PCDHGA1: variants seen among roughly 807,000 people sequenced by gnomAD.
PCDHGA1 encodes the protein protocadherin gamma-A1.
Under a neutral mutation model 58.0 loss-of-function variants are expected in PCDHGA1, and 32 were observed. The ratio of observed to expected loss-of-function variants is 0.55; its 90% CI spans 0.42 to 0.74. The LOEUF is 0.74. Among genes scored for constraint, PCDHGA1 ranks in the 30% least tolerant of loss-of-function variants. The pLI, the probability that PCDHGA1 is intolerant of heterozygous loss-of-function variation, is 0.00. For synonymous variants in PCDHGA1, 498 were observed against 501.1 expected (o/e 0.99, Z 0.08); for missense variants, 1,205 against 1,182.3 (o/e 1.02, Z -0.28).
intron 2 of PCDHGA1, among the ~76,000 whole-genome samples, chr5:141,502,124 A>G (rs4912762): frequency 0.55 from 83,213 of 152,012 alleles, 23,486 homozygotes; most frequent in African/African-American, 0.67. Flanking sequence ...CCAGGCCCAC[A>G]GAGCTCAGTC....
chr5:141,372,396 T>C (rs1039579304), intron 1 of PCDHGA1: 1 of 1,614,052 alleles, frequency 6.2e-7, no homozygotes, highest in Non-Finnish European at 8.5e-7. Context: ...CGCAGATAGC[T>C]TGCAAGAGAT....
chr5:141,364,548 A>T (rs1763399502), intron 1 of PCDHGA1: 2 of 1,613,988 alleles, frequency 1.2e-6, no homozygotes. Flanking sequence ...GGTAGGACGC[A>T]GCTTTTTGCC....
chr5:141,491,138 C>T lies in PCDHGA1; in HGVS notation c.2422-3669C>T. The T allele has an allele frequency of 1.2e-6, 2 of 1,614,106 alleles. No individual in the cohort carries two copies. The highest frequency in any genetic ancestry group is 1.7e-6 in the Non-Finnish European group (2 of 1,179,962). On this transcript the variant is annotated intron_variant, in intron 1 of 3. Transcript: ENST00000517417. The surrounding 1 kb of genome is among the most constrained non-coding windows in gnomAD (Gnocchi z 6.9). ...ACTGGTGAGGTGCGCACAGCCCGGG[C>T]CTTACTGGAGGATGACTCTGACACC...
intron 1 of PCDHGA1, chr5:141,395,804 A>C (rs150880061): frequency 6.6e-6 from 1 of 152,224 alleles, no homozygotes; most frequent in Non-Finnish European, 1.5e-5. Context: ...ACCATCCTTC[A>C]AAACATGAAC....
chr5:141,419,505 G>A lies in PCDHGA1; in HGVS notation c.2422-75302G>A, dbSNP rs115850576. The A allele has an allele frequency of 8.4e-4, 1,351 of 1,612,324 alleles. 13 individuals are homozygous for A. In the African/African-American group the frequency reaches 0.015, roughly 18 times the overall value. The stretch of plus-strand genomic sequence containing the variant: ...GCGCTCAGCGCCAATGTGAGCCTGC[G>A]CGTGTTGGTGGGCGACCGTAACGAC... On this transcript the variant is annotated intron_variant, in intron 1 of 3. Transcript: ENST00000517417.
intron 1 of PCDHGA1, chr5:141,392,059 C>G (rs2092458843): frequency 6.6e-6 from 1 of 152,098 alleles, no homozygotes; most frequent in Non-Finnish European, 1.5e-5. Flanking sequence ...AAAATATTAT[C>G]GACATGTAAT....
chr5:141,440,931 C>G (rs2098213287), intron 1 of PCDHGA1: 1 of 152,186 alleles, frequency 6.6e-6, no homozygotes, highest in Non-Finnish European at 1.5e-5. Context: ...GTGAGGGCCA[C>G]CAACCAGGAC....
In PCDHGA1 at chr5:141,491,081, C is replaced by T; in HGVS notation, c.2422-3726C>T. The T allele has an allele frequency of 6.2e-7, 1 of 1,614,176 alleles. No individual in the cohort carries two copies. The highest frequency in any genetic ancestry group is 8.5e-7 in the Non-Finnish European group (1 of 1,180,010). On this transcript the variant is annotated intron_variant, in intron 1 of 3. Coordinates refer to ENST00000517417, the MANE Select transcript of PCDHGA1 (RefSeq NM_018912.3). The surrounding 1 kb of genome is among the most constrained non-coding windows in gnomAD (Gnocchi z 6.9). Reference sequence around the variant, plus strand: ...TCCTACTCACTGTTGCCACAGTCCACAGCCCCAGGACTGTTCCTCGTGTCT... The same window carrying T: ...TCCTACTCACTGTTGCCACAGTCCATAGCCCCAGGACTGTTCCTCGTGTCT...
intron 1 of PCDHGA1, chr5:141,341,351 C>A: frequency 6.2e-7 from 1 of 1,614,122 alleles, no homozygotes; most frequent in East Asian, 2.2e-5. Context: ...TTTATCAGCG[C>A]CTCAATCTCT....
intron 2 of PCDHGA1, among the ~76,000 whole-genome samples, chr5:141,500,928 G>A (rs2099803943): frequency 6.6e-6 from 1 of 151,476 alleles, no homozygotes; most frequent in African/African-American, 2.4e-5. Context: ...GGGTGCAGTG[G>A]CGCCATCTCG....
intron 1 of PCDHGA1, among the ~76,000 whole-genome samples, chr5:141,457,926 GGGCTTTTATT>G (rs1398565105): frequency 6.6e-6 from 1 of 151,120 alleles, no homozygotes; most frequent in Non-Finnish European, 1.5e-5. Context: ...TCTCCCCAAG[GGGCTTTTATT>G]GGCTCTGCAT....
chr5:141,405,621 C>T lies in PCDHGA1; in HGVS notation c.2421+72516C>T, dbSNP rs2094693815. 9.2e-6 allele frequency: 5 copies of T among 543,194 alleles called. No individual in the cohort carries two copies. In the South Asian group the frequency reaches 1.0e-4, roughly 11 times the overall value. 33.6% of individuals were successfully genotyped at this position (543,194 alleles called of 1,614,324 possible). ...AGTAGAATAACTGGGACTACAGGCA[C>T]GTGCCACCACGCCCGGCTAATTTTT... On this transcript the variant is annotated intron_variant, in intron 1 of 3. Coordinates refer to ENST00000517417, the MANE Select transcript of PCDHGA1 (RefSeq NM_018912.3).
At position 141,400,743 on chromosome 5, in the gene PCDHGA1, C is replaced by T. The variant is rs1404866842; in HGVS notation, c.2421+67638C>T. 6.5e-6 allele frequency: 4 copies of T among 611,214 alleles called. No individual in the cohort carries two copies. In the East Asian group the frequency reaches 1.1e-4, roughly 17 times the overall value. 37.9% of individuals were successfully genotyped at this position (611,214 alleles called of 1,614,324 possible). A position where few individuals can be genotyped will look rare whatever the true frequency, so the allele number is the denominator to read the frequency against. On this transcript the variant is annotated intron_variant, in intron 1 of 3. Coordinates refer to ENST00000517417, the MANE Select transcript of PCDHGA1 (RefSeq NM_018912.3). ...ATTTACAAAGTAGTGAGAGTTTGCTCTTAGCTTCCTCTCTAGCAAAAACAT... is the reference window on the plus strand; with the variant it reads ...ATTTACAAAGTAGTGAGAGTTTGCTTTTAGCTTCCTCTCTAGCAAAAACAT...
At chr5:141,394,861 A>G in intron 1 of PCDHGA1, 1 of 1,613,390 alleles carries the variant, frequency 6.2e-7, no homozygotes. Flanking sequence ...CCTTCGGTCG[A>G]CCCGAACGAT....
intron 1 of PCDHGA1, chr5:141,357,489 G>A: frequency 6.2e-7 from 1 of 1,614,212 alleles, no homozygotes. Flanking sequence ...CCGCGGACTC[G>A]CGGAAGAGTC....
intron 1 of PCDHGA1, chr5:141,403,381 C>T (rs1022563452): frequency 4.3e-6 from 7 of 1,614,038 alleles, no homozygotes; most frequent in Non-Finnish European, 8.5e-7. Context: ...TAAAAATTAA[C>T]GAAATCGCGG....
Position 141,490,226 on chromosome 5 carries a change from C to T in PCDHGA1, c.2422-4581C>T. On this transcript the variant is annotated intron_variant, in intron 1 of 3. Coordinates refer to ENST00000517417, the MANE Select transcript of PCDHGA1 (RefSeq NM_018912.3). This position sits in a 1 kb window ranked among gnomAD's most constrained non-coding sequence, Gnocchi z 5.4. ...AGAGCCCGTGACCAGGGACAGCCTG[C>T]CATGGAGGGCCACTGTGTGATTCAA... The T allele has an allele frequency of 6.2e-7, 1 of 1,614,168 alleles. No homozygotes were observed. Among genetic ancestry groups the T allele is most frequent in the Non-Finnish European group, 8.5e-7 (1 of 1,180,020 alleles).
chr5:141,346,579 T>C, intron 1 of PCDHGA1: 1 of 1,393,704 alleles, frequency 7.2e-7, no homozygotes, highest in Non-Finnish European at 9.7e-7. Flanking sequence ...TTTGACTAAA[T>C]ATTTGTCCCC....
intron 1 of PCDHGA1, among the ~76,000 whole-genome samples, chr5:141,348,005 C>T (rs1001177400): frequency 2.0e-5 from 3 of 152,128 alleles, no homozygotes; most frequent in Non-Finnish European, 4.4e-5. Flanking sequence ...TCAGCCTCTG[C>T]GGGAGATTTC....
Sources: gnomAD v4.1 joint callset for allele counts (sites outside exome capture counted in the v4.1 genomes callset) on GRCh38, gnomAD v4.1.1 for gene constraint, Gnocchi (gnomAD v3.1) non-coding constraint, MANE v1.5 for transcripts, NCBI Gene and HGNC (gene_info 2026-07-23, HGNC 2026-07-21) for gene names.